Variants in ANKS1B observed in about 807,000 individuals in gnomAD.
ANKS1B encodes ankyrin repeat and sterile alpha motif domain containing 1B.
Under a neutral mutation model 148.3 loss-of-function variants are expected in ANKS1B, and 36 were observed. The observed-to-expected ratio is 0.24, with a 90% CI of 0.19 to 0.32. ANKS1B has a LOEUF of 0.32. ANKS1B is among the 10% of genes least tolerant of loss of function. ANKS1B has a pLI of 1.00. For missense variants in ANKS1B, 1,157 were observed against 1,542.6 expected (o/e 0.75, Z 4.19); for synonymous variants, 542 against 560.8 (o/e 0.97, Z 0.47).
At chr12:99,767,585 A>T (rs2062773897) in intron 8 of ANKS1B, among the ~76,000 whole-genome samples, 1 of 152,076 alleles carries the variant, frequency 6.6e-6, no homozygotes, top group African/African-American at 2.4e-5. Context: ...AGAATAGAAA[A>T]TTTTTTCAGA....
At chr12:99,679,590 G>C (rs2098602552) in intron 8 of ANKS1B, among the ~76,000 whole-genome samples, 1 of 151,966 alleles carries the variant, frequency 6.6e-6, no homozygotes, top group East Asian at 1.9e-4. Context: ...GATAACAGGT[G>C]TGGGCTACCA....
chr12:99,962,074 G>T (rs1603504453), intron 1 of ANKS1B, among the ~76,000 whole-genome samples: 1 of 151,374 alleles, frequency 6.6e-6, no homozygotes, highest in Non-Finnish European at 1.5e-5. Context: ...TGGTTTAGTT[G>T]TTTTTTTTTA....
intron 17 of ANKS1B, among the ~76,000 whole-genome samples, chr12:98,858,515 T>C (rs1306160053): frequency 6.6e-6 from 1 of 152,162 alleles, no homozygotes; most frequent in Non-Finnish European, 1.5e-5. Context: ...GCTGTTTGTA[T>C]TTTTTGTAGA....
rs557079260 is a variant in ANKS1B, at chr12:99,201,488, A to G, written c.2419+42854T>C. 6.6e-5 allele frequency among the ~76,000 whole-genome samples: 10 copies of G among 152,296 alleles called. 1 individual carries two copies. The East Asian group carries it at 1.9e-3, about 29-fold the overall frequency. Reference sequence around the variant, plus strand: ...TGGGTATAGATTTAGTTTTTTAAAGAAAGCTTCTTATTTCTGGAACAGTTG... The same window carrying G: ...TGGGTATAGATTTAGTTTTTTAAAGGAAGCTTCTTATTTCTGGAACAGTTG... On this transcript the variant is annotated intron_variant, in intron 14 of 26. Transcript: ENST00000683438.
intron 12 of ANKS1B, among the ~76,000 whole-genome samples, chr12:99,286,588 C>G (rs927238965): frequency 6.6e-6 from 1 of 152,082 alleles, no homozygotes; most frequent in African/African-American, 2.4e-5. Context: ...TGGAGTAGAA[C>G]ATCAAGCAGT....
At chr12:98,937,690 G>A (rs2099820076) in intron 17 of ANKS1B, among the ~76,000 whole-genome samples, 1 of 152,116 alleles carries the variant, frequency 6.6e-6, no homozygotes, top group Admixed American at 6.5e-5. Context: ...AAGCTGTGTG[G>A]AAGTGTGCTT....
intron 19 of ANKS1B, among the ~76,000 whole-genome samples, chr12:98,822,417 TA>T (rs2099204370): frequency 6.6e-6 from 1 of 152,178 alleles, no homozygotes; most frequent in Non-Finnish European, 1.5e-5. Context: ...GGACTGCATG[TA>T]ATAAGAAACA....
At chr12:99,311,941 C>A (rs1048180214) in intron 12 of ANKS1B, among the ~76,000 whole-genome samples, 5 of 151,996 alleles carry the variant, frequency 3.3e-5, no homozygotes, top group African/African-American at 1.2e-4. Flanking sequence ...TCTCTCAAAG[C>A]AAACTATAGG....
chr12:99,061,562 C>T (rs552347873), intron 16 of ANKS1B, among the ~76,000 whole-genome samples: 111 of 152,300 alleles, frequency 7.3e-4, no homozygotes, highest in African/African-American at 2.4e-3. Flanking sequence ...AGAAGGTCCT[C>T]GGTCCTTCCA....
intron 8 of ANKS1B, among the ~76,000 whole-genome samples, chr12:99,665,396 A>G (rs2098501011): frequency 6.6e-6 from 1 of 152,208 alleles, no homozygotes; most frequent in South Asian, 2.1e-4. Flanking sequence ...CAGTGCTACT[A>G]ATGTGCTAAA....
chr12:98,910,207 C>T (rs1004798068), intron 17 of ANKS1B, among the ~76,000 whole-genome samples: 2 of 152,120 alleles, frequency 1.3e-5, no homozygotes, highest in Non-Finnish European at 2.9e-5. Flanking sequence ...ACTAACAACA[C>T]AAAGGAAGTG....
At chr12:99,361,121 G>A (rs558164610) in intron 12 of ANKS1B, among the ~76,000 whole-genome samples, 6 of 152,158 alleles carry the variant, frequency 3.9e-5, no homozygotes, top group Admixed American at 1.3e-4. Flanking sequence ...CTAAAAGAGT[G>A]TAATTGGATT....
At chr12:99,120,390 A>G (rs2062476500) in intron 15 of ANKS1B, among the ~76,000 whole-genome samples, 1 of 152,198 alleles carries the variant, frequency 6.6e-6, no homozygotes, top group African/African-American at 2.4e-5. Flanking sequence ...TTATTTCAGT[A>G]TGTTTCTTTT....
At chr12:99,935,357 C>CAAAAAA (rs10629199) in intron 1 of ANKS1B, among the ~76,000 whole-genome samples, 1 of 130,218 alleles carries the variant, frequency 7.7e-6, no homozygotes. Context: ...AGATGCCTGA[C>CAAAAAA]AAAAAAAAAA....
At chr12:99,882,738 C>T (rs2092600263) in intron 1 of ANKS1B, among the ~76,000 whole-genome samples, 1 of 152,164 alleles carries the variant, frequency 6.6e-6, no homozygotes, top group Non-Finnish European at 1.5e-5. Context: ...CAGAAATCAC[C>T]ACCTAAAGAA....
intron 9 of ANKS1B, among the ~76,000 whole-genome samples, chr12:99,643,739 G>C (rs2098332263): frequency 1.3e-5 from 2 of 152,144 alleles, no homozygotes; most frequent in Admixed American, 6.5e-5. Flanking sequence ...GGTCTCCCAG[G>C]TATGTCACAA....
chr12:99,208,112 T>A (rs1278484337), intron 14 of ANKS1B, among the ~76,000 whole-genome samples: 1 of 152,104 alleles, frequency 6.6e-6, no homozygotes, highest in African/African-American at 2.4e-5. Context: ...TTTTTTTAGG[T>A]AACTTGCCTA....
rs929574488 is a variant in ANKS1B, at chr12:99,157,455, C to T, written c.2420-3060G>A. ...TGCAAACCAGGGGCCAAGTACCTGG[C>T]AGAGCACGATACACATCCTGCTTAT... On this transcript the variant is annotated intron_variant, in intron 14 of 26. Coordinates refer to ENST00000683438, the MANE Select transcript of ANKS1B (RefSeq NM_001352186.2). Among the ~76,000 whole-genome samples the T allele has an allele frequency of 3.7e-4, 57 of 152,176 alleles. 3 individuals carry two copies. The highest frequency in any genetic ancestry group is 1.5e-5 in the Non-Finnish European group (1 of 68,038).
intron 8 of ANKS1B, among the ~76,000 whole-genome samples, chr12:99,756,544 A>G (rs2061586311): frequency 6.6e-6 from 1 of 152,090 alleles, no homozygotes; most frequent in South Asian, 2.1e-4. Flanking sequence ...TTAAACTAAC[A>G]TTGAGACTCT....
Sources: gnomAD v4.1 joint callset for allele counts (sites outside exome capture counted in the v4.1 genomes callset) on GRCh38, gnomAD v4.1.1 for gene constraint, MANE v1.5 for transcripts, NCBI Gene and HGNC (gene_info 2026-07-23, HGNC 2026-07-21) for gene names.